Variants in RAD51B observed in about 807,000 individuals in gnomAD.
RAD51B encodes the protein RAD51 paralog B.
A neutral mutation model predicts 42.2 loss-of-function variants in RAD51B; 38 were observed. That is an observed-to-expected ratio of 0.90 (90% CI 0.70 to 1.18). The LOEUF (loss-of-function observed/expected upper bound fraction) is 1.18. Among genes scored for constraint, RAD51B ranks in the 50% most tolerant of loss-of-function variants. The probability of loss-of-function intolerance (pLI) is 0.00; values close to 1 mark genes in which losing one functional copy is unlikely to be tolerated. For missense variants in RAD51B, 373 were observed against 400.7 expected, an observed-to-expected ratio of 0.93 and a Z score of 0.59; for synonymous variants, 154 against 145.2, an observed-to-expected ratio of 1.06 and a Z score of -0.43.
intron 8 of RAD51B, among the ~76,000 whole-genome samples, chr14:68,317,875 G>A (rs1175845458): frequency 2.0e-5 from 3 of 152,190 alleles, no homozygotes; most frequent in Non-Finnish European, 4.4e-5. Context: ...TGAGAACAGT[G>A]AGTAATCCAA....
At chr14:68,345,672 T>C (rs1272071673) in intron 8 of RAD51B, among the ~76,000 whole-genome samples, 1 of 151,884 alleles carries the variant, frequency 6.6e-6, no homozygotes, top group African/African-American at 2.4e-5. Flanking sequence ...TTTTTTTTTT[T>C]TTGAGACAGA....
At position 67,862,444 on chromosome 14, in the gene RAD51B, GT is replaced by G. The variant is rs543662375; in HGVS notation, c.316-2554del. On this transcript the variant is annotated intron_variant, in intron 4 of 10. Transcript: ENST00000471583. ...CAAAAAAAAAAAAAAGTTTCAGTGG[GT>G]TTTTAAACCAGTTGTTAAAAATGTT... is the stretch of plus-strand genomic sequence containing the variant. 3.4e-4 allele frequency among the ~76,000 whole-genome samples: 52 copies of G among 151,944 alleles called. 3 individuals are homozygous for G. The highest frequency in any genetic ancestry group is 2.6e-3 in the Admixed American group (39 of 15,260).
intron 7 of RAD51B, among the ~76,000 whole-genome samples, chr14:68,232,372 AAAAAG>A (rs1277711926): frequency 1.3e-5 from 2 of 152,184 alleles, no homozygotes; most frequent in East Asian, 1.9e-4. Flanking sequence ...AAAAAGAAAA[AAAAAG>A]AAAAGAAAAG....
At chr14:68,303,019 A>G (rs1361359296) in intron 8 of RAD51B, among the ~76,000 whole-genome samples, 1 of 152,226 alleles carries the variant, frequency 6.6e-6, no homozygotes, top group East Asian at 1.9e-4. Flanking sequence ...TGCTCCCAAC[A>G]GAAAGGTCTT....
chr14:67,846,458 C>T lies in RAD51B; in HGVS notation c.315+11262C>T, dbSNP rs146286908. 8.5e-5 allele frequency among the ~76,000 whole-genome samples: 13 copies of T among 152,254 alleles called. No individual in the cohort carries two copies. In the East Asian group the frequency reaches 1.7e-3, roughly 20 times the overall value. On this transcript the variant is annotated intron_variant, in intron 4 of 10. Coordinates refer to ENST00000471583, the MANE Select transcript of RAD51B (RefSeq NM_133510.4). ...GGAGGGGAGGTGAGGTCTACCCACA[C>T]GTGTGCCAGCAAAACGGTAGGGCAG...
intron 7 of RAD51B, among the ~76,000 whole-genome samples, chr14:68,253,089 A>T (rs1263298309): frequency 6.6e-6 from 1 of 152,182 alleles, no homozygotes; most frequent in Non-Finnish European, 1.5e-5. Flanking sequence ...TCAAAAAAAA[A>T]AAAAAAGAAT....
rs539587554 is a variant in RAD51B at position 68,538,532 on chromosome 14, T to C, written c.1037-55953T>C. On this transcript the variant is annotated intron_variant, in intron 10 of 10. Coordinates refer to the RAD51B transcript ENST00000487270. ...TTATACTTTTAAATATTTAGACATA[T>C]GATATGGGGCCTCCATTTGTACTCT... Among the ~76,000 whole-genome samples, 9 of 152,312 alleles carry C rather than the reference T, an allele frequency of 5.9e-5. No individual in the cohort carries two copies. The South Asian group carries it at 1.7e-3, about 28-fold the overall frequency.
intron 9 of RAD51B, among the ~76,000 whole-genome samples, chr14:68,434,354 G>A (rs2085092616): frequency 6.6e-6 from 1 of 152,174 alleles, no homozygotes. Context: ...GGAGTCTACA[G>A]AAGCAGGCAG....
chr14:68,083,273 C>T (rs1427323395), intron 7 of RAD51B, among the ~76,000 whole-genome samples: 1 of 152,198 alleles, frequency 6.6e-6, no homozygotes, highest in Non-Finnish European at 1.5e-5. Context: ...CAGCCTGTAT[C>T]AGATAATTCC....
At chr14:67,828,748 C>G (rs762889741) in intron 3 of RAD51B, among the ~76,000 whole-genome samples, 4 of 152,086 alleles carry the variant, frequency 2.6e-5, no homozygotes, top group African/African-American at 9.7e-5. Flanking sequence ...ATAGGCAATC[C>G]TTTCCCCATT....
At chr14:68,670,104 TTTA>T (rs1893123983) in intron 11 of RAD51B, among the ~76,000 whole-genome samples, 1 of 152,176 alleles carries the variant, frequency 6.6e-6, no homozygotes, top group African/African-American at 2.4e-5. Flanking sequence ...TCCCGATGAC[TTTA>T]TTGAGGGCTC....
At chr14:68,498,207 A>G (rs527865550) in intron 10 of RAD51B, among the ~76,000 whole-genome samples, 1 of 152,352 alleles carries the variant, frequency 6.6e-6, no homozygotes, top group Non-Finnish European at 1.5e-5. Context: ...GCTCTGTTCC[A>G]TGCACACAAA....
chr14:68,198,406 T>G (rs1314830091), intron 7 of RAD51B, among the ~76,000 whole-genome samples: 1 of 152,176 alleles, frequency 6.6e-6, no homozygotes, highest in Non-Finnish European at 1.5e-5. Context: ...TTTTAAAAAA[T>G]CAATTTTTTT....
chr14:68,446,251 T>C (rs1482088105), intron 9 of RAD51B, among the ~76,000 whole-genome samples: 1 of 152,214 alleles, frequency 6.6e-6, no homozygotes. Context: ...ATGGAGATTA[T>C]GAAGTGCTCT....
intron 7 of RAD51B, among the ~76,000 whole-genome samples, chr14:68,233,723 A>G (rs1286130894): frequency 6.6e-6 from 1 of 152,208 alleles, no homozygotes; most frequent in African/African-American, 2.4e-5. Context: ...ATATATCAAC[A>G]TTTTCCAGTT....
intron 9 of RAD51B, among the ~76,000 whole-genome samples, chr14:68,454,595 G>T (rs1344964017): frequency 2.0e-5 from 3 of 152,150 alleles, no homozygotes; most frequent in Non-Finnish European, 2.9e-5. Flanking sequence ...GGATAGAACA[G>T]GTTTGGAGCA....
chr14:68,613,023 G>A (rs989093455), downstream of RAD51B, among the ~76,000 whole-genome samples: 16 of 152,146 alleles, frequency 1.1e-4, no homozygotes, highest in African/African-American at 3.6e-4. Context: ...CAAACCACAT[G>A]GTTAATGAGG....
chr14:67,837,428 T>G (rs961192997), intron 4 of RAD51B, among the ~76,000 whole-genome samples: 1 of 152,228 alleles, frequency 6.6e-6, no homozygotes, highest in Non-Finnish European at 1.5e-5. Flanking sequence ...TTATTAATTA[T>G]TTTTTAAAAT....
intron 7 of RAD51B, among the ~76,000 whole-genome samples, chr14:68,178,169 A>G (rs997067052): frequency 6.6e-6 from 1 of 152,154 alleles, no homozygotes; most frequent in African/African-American, 2.4e-5. Context: ...CACAGCTTGA[A>G]TACATTGATA....
Sources: gnomAD v4.1 joint callset for allele counts (sites outside exome capture counted in the v4.1 genomes callset) on GRCh38, gnomAD v4.1.1 for gene constraint, MANE v1.5 for transcripts, NCBI Gene and HGNC (gene_info 2026-07-23, HGNC 2026-07-21) for gene names.